The following DLC1 variants were observed in gnomAD, a reference collection of about 807,000 sequenced individuals.
DLC1 encodes the protein DLC1 Rho GTPase activating protein.
In DLC1, 54 loss-of-function variants were observed where a neutral mutation model predicts 140.3. That is an observed-to-expected ratio of 0.38 (90% CI 0.31 to 0.48). The LOEUF is 0.48. DLC1 is among the 20% of genes least tolerant of loss of function. The pLI is 0.96. For synonymous variants in DLC1, 986 were observed against 728.1 expected (o/e 1.35, Z -5.70); for missense variants, 2,536 against 1,907.0 (o/e 1.33, Z -6.14).
chr8:13,093,399 G>C (rs920396325), intron 12 of DLC1, among the ~76,000 whole-genome samples: 7 of 152,060 alleles, frequency 4.6e-5, no homozygotes, highest in Non-Finnish European at 1.0e-4. Context: ...ATTCAGTTCA[G>C]TTCAATTAAT....
At chr8:13,556,818 C>G (rs551638983) in intron 1 of DLC1, among the ~76,000 whole-genome samples, 1 of 152,308 alleles carries the variant, frequency 6.6e-6, no homozygotes, top group East Asian at 1.9e-4. Context: ...GTAGCCAGAT[C>G]TATTGCTAGA....
chr8:13,430,894 A>G (rs1288386054), intron 2 of DLC1, among the ~76,000 whole-genome samples: 2 of 152,252 alleles, frequency 1.3e-5, no homozygotes, highest in East Asian at 1.9e-4. Context: ...ATATATTCAC[A>G]ATACATTTTG....
intron 5 of DLC1, among the ~76,000 whole-genome samples, chr8:13,215,041 T>C (rs1212256686): frequency 6.6e-6 from 1 of 152,162 alleles, no homozygotes; most frequent in Non-Finnish European, 1.5e-5. Context: ...CAAATAATTA[T>C]AGAGGCTACC....
At chr8:13,119,646 T>A (rs1248020461) in intron 5 of DLC1, among the ~76,000 whole-genome samples, 1 of 152,084 alleles carries the variant, frequency 6.6e-6, no homozygotes, top group African/African-American at 2.4e-5. Context: ...AGTAACCACC[T>A]CTCCTTAAAA....
At chr8:13,398,595 C>G (rs1227982160) in intron 3 of DLC1, among the ~76,000 whole-genome samples, 4 of 126,116 alleles carry the variant, frequency 3.2e-5, no homozygotes, top group Non-Finnish European at 6.4e-5. Context: ...TAGAGAAACC[C>G]CATCTCTACC....
Position 13,091,007 on chromosome 8 carries a change from C to T in DLC1, c.3855+311G>A, listed in dbSNP as rs114551952. On this transcript the variant is annotated intron_variant, in intron 14 of 17. Coordinates refer to ENST00000276297, the MANE Select transcript of DLC1 (RefSeq NM_182643.3). ...TTTTTTTGTAGAGATGAGGTCTCAC[C>T]ATGTTGCCCGGGTTGGTCTTGAACT... 3.6e-3 allele frequency among the ~76,000 whole-genome samples: 549 copies of T among 151,716 alleles called. 2 individuals carry two copies. The highest frequency in any genetic ancestry group is 0.02 in the Middle Eastern group (6 of 294).
chr8:13,531,934 A>C (rs527571921), intron 1 of DLC1, among the ~76,000 whole-genome samples: 1 of 152,296 alleles, frequency 6.6e-6, no homozygotes, highest in South Asian at 2.1e-4. Context: ...ACAGAACTTT[A>C]ACTTGCTTAT....
At chr8:13,588,653 G>T (rs1805412945) in intron 1 of DLC1, among the ~76,000 whole-genome samples, 1 of 151,956 alleles carries the variant, frequency 6.6e-6, no homozygotes, top group Non-Finnish European at 1.5e-5. Flanking sequence ...TAAAAATCTT[G>T]GTACAATTTA....
At chr8:13,322,948 G>A (rs1029388956) in intron 4 of DLC1, among the ~76,000 whole-genome samples, 5 of 152,132 alleles carry the variant, frequency 3.3e-5, no homozygotes, top group Non-Finnish European at 7.3e-5. Context: ...GTTTGTGCTG[G>A]GGAAAGCTAG....
At chr8:13,518,108 G>GTTTTTC (rs1368025106), upstream of DLC1, among the ~76,000 whole-genome samples, 13 of 150,162 alleles carry the variant, frequency 8.7e-5, no homozygotes, top group South Asian at 2.1e-3. Context: ...TCTTTTTTTT[G>GTTTTTC]TTTTTGTTTT....
At chr8:13,535,927 G>C (rs1300745281) in intron 1 of DLC1, 2 of 151,086 alleles carry the variant, frequency 1.3e-5, no homozygotes, top group Non-Finnish European at 2.9e-5. Flanking sequence ...AATTATGTAA[G>C]TGTTAGCAAG....
At chr8:13,379,149 C>T (rs1836137067) in intron 4 of DLC1, among the ~76,000 whole-genome samples, 1 of 152,136 alleles carries the variant, frequency 6.6e-6, no homozygotes. Context: ...GTTCTTTAGT[C>T]TAAGTCTGAA....
At chr8:13,118,090 G>C (rs542482753) in intron 5 of DLC1, among the ~76,000 whole-genome samples, 1 of 147,218 alleles carries the variant, frequency 6.8e-6, no homozygotes, top group African/African-American at 2.6e-5. Flanking sequence ...GCTCACTGCA[G>C]CATCGACCTT....
At chr8:13,141,759 C>G (rs1411279943) in intron 5 of DLC1, among the ~76,000 whole-genome samples, 1 of 152,174 alleles carries the variant, frequency 6.6e-6, no homozygotes, top group African/African-American at 2.4e-5. Flanking sequence ...AATGGAGCTG[C>G]CGTCTATCTT....
intron 4 of DLC1, among the ~76,000 whole-genome samples, chr8:13,345,973 T>G (rs1263872810): frequency 3.3e-5 from 5 of 152,200 alleles, no homozygotes; most frequent in Admixed American, 2.0e-4. Context: ...CATAGAAAAA[T>G]TAGAAAACTT....
chr8:13,568,139 A>G, intron 1 of DLC1: 1 of 649,184 alleles, frequency 1.5e-6, no homozygotes, highest in Non-Finnish European at 2.5e-6. Flanking sequence ...ACAAAATTCC[A>G]AGAGAACTAT....
chr8:13,153,323 G>A (rs1029317021), intron 5 of DLC1, among the ~76,000 whole-genome samples: 1 of 152,204 alleles, frequency 6.6e-6, no homozygotes, highest in Non-Finnish European at 1.5e-5. Flanking sequence ...CTCCCGGCCA[G>A]AGCTCTCCAT....
At chr8:13,098,603 G>C (rs369390021) in intron 9 of DLC1, 28 bp from the exon 10 acceptor site, 2 of 1,586,412 alleles carry the variant, frequency 1.3e-6, no homozygotes, top group Non-Finnish European at 1.7e-6. Flanking sequence ...AGGAAAATGA[G>C]TGTGAAGCCT....
intron 2 of DLC1, among the ~76,000 whole-genome samples, chr8:13,453,517 T>TATATATGTATATATATATAC (rs1799241519): frequency 7.5e-5 from 2 of 26,518 alleles, no homozygotes; most frequent in African/African-American, 1.3e-4. Flanking sequence ...TATATATACA[T>TATATATGTATATATATATAC]ATATATATAT....
Sources: gnomAD v4.1 joint callset for allele counts (sites outside exome capture counted in the v4.1 genomes callset) on GRCh38, gnomAD v4.1.1 for gene constraint, MANE v1.5 for transcripts, NCBI Gene and HGNC (gene_info 2026-07-23, HGNC 2026-07-21) for gene names.